The following C6orf89 variants were observed in gnomAD, a reference collection of about 807,000 sequenced individuals.
C6orf89 encodes the protein bombesin receptor-activated protein C6orf89.
A neutral mutation model predicts 40.7 loss-of-function variants in C6orf89; 29 were observed. The observed-to-expected ratio is 0.71, with a 90% confidence interval of 0.53 to 0.97. The LOEUF (loss-of-function observed/expected upper bound fraction) is 0.97. Among genes scored for constraint, C6orf89 ranks in the 50% least tolerant of loss-of-function variants. The probability of loss-of-function intolerance (pLI) is 0.00; values close to 1 mark genes in which losing one functional copy is unlikely to be tolerated. For synonymous variants in C6orf89, 165 were observed against 152.2 expected (o/e 1.08, Z -0.62); for missense variants, 392 against 429.1 (o/e 0.91, Z 0.76).
At chr6:36,898,542 G>T (rs1277970394) in intron 2 of C6orf89, among the ~76,000 whole-genome samples, 1 of 151,930 alleles carries the variant, frequency 6.6e-6, no homozygotes, top group Non-Finnish European at 1.5e-5. Flanking sequence ...GCCTCCCGAA[G>T]TGCTGGGATT....
intron 1 of C6orf89, 30 bp downstream of exon 1, chr6:36,886,058 G>T: frequency 8.3e-7 from 1 of 1,203,504 alleles, no homozygotes. Flanking sequence ...GGCTGGGTGG[G>T]GGGAGGCCGC....
intron 7 of C6orf89, among the ~76,000 whole-genome samples, chr6:36,919,290 G>A (rs971034255): frequency 6.6e-6 from 1 of 152,184 alleles, no homozygotes; most frequent in Non-Finnish European, 1.5e-5. Context: ...CTACTCTGGG[G>A]CTCTCGTTGA....
rs1762616029 is a variant in C6orf89 at position 36,924,420 on chromosome 6, C to T, written c.*979C>T. ...ATGTGGTTGGGGGAGGAAATCCAGA[C>T]CCAAAGTGTTTGTCAGCTGGGTGTA... On this transcript the variant is annotated 3_prime_UTR_variant, in exon 9 of 9. Coordinates refer to ENST00000480824, the MANE Select transcript of C6orf89 (RefSeq NM_001286635.2). 6.6e-6 allele frequency: 1 copy of T among 152,204 alleles called. No homozygotes were observed. Among genetic ancestry groups the T allele is most frequent in the East Asian group, 1.9e-4 (1 of 5,200 alleles). The allele number at this position is 152,204 out of a possible 1,614,324, so 9.4% of individuals were successfully genotyped here.
Position 36,885,988 on chromosome 6 carries a change from TC to T in C6orf89, c.-156del, listed in dbSNP as rs1444839717. The T allele has an allele frequency of 3.3e-6, 4 of 1,208,864 alleles. No individual in the cohort carries two copies. Among genetic ancestry groups the T allele is most frequent in the Non-Finnish European group, 4.1e-6 (4 of 982,910 alleles). The allele number at this position is 1,208,864 out of a possible 1,614,324, so 74.9% of individuals were successfully genotyped here. A position where few individuals can be genotyped will look rare whatever the true frequency, so the allele number is the denominator to read the frequency against. ...CATCCTCCTCGCCCGGCGGCAGCTG[TC>T]CCCGAGGCGGGAGGAGCCCGAGGGG... On this transcript the variant is annotated 5_prime_UTR_variant, in exon 1 of 9. Coordinates refer to ENST00000480824, the MANE Select transcript of C6orf89 (RefSeq NM_001286635.2).
chr6:36,886,028 T>C lies in C6orf89; in HGVS notation c.-120T>C. ...GAGCCCGAGGGGCGCGAGCCCCGCATGTGAGTGACTGGGGCCCGAGGCTGG... is the reference window on the plus strand; with the variant it reads ...GAGCCCGAGGGGCGCGAGCCCCGCACGTGAGTGACTGGGGCCCGAGGCTGG... On this transcript the variant is annotated splice_region_variant and 5_prime_UTR_variant, in exon 1 of 9. An upstream start codon of the reference 5' UTR is lost. Coordinates refer to ENST00000480824, the MANE Select transcript of C6orf89 (RefSeq NM_001286635.2). The C allele has an allele frequency of 1.6e-6, 2 of 1,256,488 alleles. No individual in the cohort carries two copies. The highest frequency in any genetic ancestry group is 3.2e-5 in the East Asian group (1 of 31,736). The allele number at this position is 1,256,488 out of a possible 1,614,324, so 77.8% of individuals were successfully genotyped here. A position where few individuals can be genotyped will look rare whatever the true frequency, so the allele number is the denominator to read the frequency against.
rs767391347 is a variant in C6orf89, at chr6:36,927,582, T to C, written c.*4141T>C. ...CTTGAGTATACAAGTTCCACACTCA[T>C]TACCTTTCAGTGGTGACCCATCACC... On this transcript the variant is annotated 3_prime_UTR_variant, in exon 9 of 9. Transcript: ENST00000480824. 12 of 152,338 alleles carry C rather than the reference T, an allele frequency of 7.9e-5. No individual in the cohort carries two copies. Among genetic ancestry groups the C allele is most frequent in the African/African-American group, 2.6e-4 (11 of 41,568 alleles). The allele number at this position is 152,338 out of a possible 1,614,324, so 9.4% of individuals were successfully genotyped here. A position where few individuals can be genotyped will look rare whatever the true frequency, so the allele number is the denominator to read the frequency against.
intron 4 of C6orf89, among the ~76,000 whole-genome samples, chr6:36,912,146 C>A (rs1221534263): frequency 6.6e-6 from 1 of 152,138 alleles, no homozygotes; most frequent in Non-Finnish European, 1.5e-5. Flanking sequence ...CTCACCACAT[C>A]TTCCTCTGCA....
intron 1 of C6orf89, among the ~76,000 whole-genome samples, chr6:36,891,026 G>A (rs1441237195): frequency 6.6e-6 from 1 of 151,882 alleles, no homozygotes; most frequent in Non-Finnish European, 1.5e-5. Flanking sequence ...TTAAGTTTTA[G>A]GGTACATGTG....
chr6:36,922,422 A>G (rs1762544750), intron 8 of C6orf89, among the ~76,000 whole-genome samples: 1 of 152,202 alleles, frequency 6.6e-6, no homozygotes, highest in South Asian at 2.1e-4. Context: ...ACTGGGGATT[A>G]TTGAAAGGTT....
In C6orf89 at chr6:36,914,278, T is replaced by C. The variant is rs1402098357; in HGVS notation, c.404-6T>C. ...TCTGTTTTCTCCATATCCCTTCCTC[T>C]CTCAGACTTTGACCCCTGGTGGACA... On this transcript the variant is annotated splice_region_variant and splice_polypyrimidine_tract_variant and intron_variant, in intron 4 of 8. Transcript: ENST00000480824. The C allele has an allele frequency of 2.5e-6, 4 of 1,612,234 alleles. No homozygotes were observed. In the African/African-American group the frequency reaches 5.3e-5, roughly 22 times the overall value.
At chr6:36,890,539 A>T (rs200845730) in intron 1 of C6orf89, among the ~76,000 whole-genome samples, 21 of 151,908 alleles carry the variant, frequency 1.4e-4, no homozygotes, top group East Asian at 9.7e-4. Flanking sequence ...TAAAAAAAAA[A>T]TTTTATTCTT....
rs77626744 is a variant in C6orf89 at position 36,922,789 on chromosome 6, A to G, written c.950-558A>G. 4.2e-3 allele frequency among the ~76,000 whole-genome samples: 638 copies of G among 152,324 alleles called. 3 individuals are homozygous for G. Among genetic ancestry groups the G allele is most frequent in the African/African-American group, 0.012 (514 of 41,572 alleles). On this transcript the variant is annotated intron_variant, in intron 8 of 8. Transcript: ENST00000480824. ...AATCTGGATGTTCTGTAATGAAACCACATTATAGATAGACACAGGAAAATT... is the reference window on the plus strand; with the variant it reads ...AATCTGGATGTTCTGTAATGAAACCGCATTATAGATAGACACAGGAAAATT...
At chr6:36,885,876 G>C (rs116588173), upstream of C6orf89, 1,158 of 590,846 alleles carry the variant, frequency 2.0e-3, 11 homozygotes, top group African/African-American at 0.021. Context: ...AGCGCTGGAC[G>C]AGAGGAGGAA....
intron 2 of C6orf89, among the ~76,000 whole-genome samples, chr6:36,897,101 C>T (rs1206414858): frequency 7.0e-6 from 1 of 142,504 alleles, no homozygotes; most frequent in Non-Finnish European, 1.5e-5. Context: ...TGCACTCCAG[C>T]CTGGGCAACC....
At chr6:36,891,168 A>C (rs1761196314) in intron 1 of C6orf89, among the ~76,000 whole-genome samples, 1 of 151,940 alleles carries the variant, frequency 6.6e-6, no homozygotes, top group Admixed American at 6.6e-5. Flanking sequence ...TACAGGCCCC[A>C]GTGTGTGATG....
In C6orf89 at chr6:36,923,393, G is replaced by T. The variant is rs770177474; in HGVS notation, c.996G>T (p.Gly332=). 1 of 1,614,166 alleles carries T rather than the reference G, an allele frequency of 6.2e-7. No individual in the cohort carries two copies. The highest frequency in any genetic ancestry group is 8.5e-7 in the Non-Finnish European group (1 of 1,180,002). ...GGAAGGTCTACGTTATAGCCAGAGG[G>T]GTCCAGCCTTTGGTCATCTGCGATG... ...THWKVYVIAR[G]VQPLVICDGT... Residue 332 remains glycine (G), a synonymous_variant, in exon 9 of 9, where the codon GGG becomes GGT. Coordinates refer to ENST00000480824, the MANE Select transcript of C6orf89 (RefSeq NM_001286635.2).
intron 4 of C6orf89, among the ~76,000 whole-genome samples, chr6:36,909,715 C>T (rs1762054085): frequency 6.7e-6 from 1 of 149,012 alleles, no homozygotes; most frequent in African/African-American, 2.5e-5. Flanking sequence ...CCGGGGAGGT[C>T]AAGGCCACAG....
At chr6:36,904,871 T>C (rs141738411) in intron 4 of C6orf89, among the ~76,000 whole-genome samples, 3,615 of 152,230 alleles carry the variant, frequency 0.024, 54 homozygotes, top group South Asian at 0.04. Flanking sequence ...AGCTGCAGCC[T>C]TGGTGATGTA....
chr6:36,891,759 C>T (rs1461236265), intron 1 of C6orf89, among the ~76,000 whole-genome samples: 1 of 152,174 alleles, frequency 6.6e-6, no homozygotes, highest in Non-Finnish European at 1.5e-5. Flanking sequence ...CTGGATATAG[C>T]TCCTAGTGTT....
Sources: allele counts gnomAD v4.1 joint callset (sites outside exome capture counted in the v4.1 genomes callset), GRCh38; gene constraint gnomAD v4.1.1; transcripts MANE v1.5; gene names NCBI Gene and HGNC (gene_info 2026-07-23, HGNC 2026-07-21).